The following HEXIM2 variants were observed in gnomAD, a reference collection of about 807,000 sequenced individuals.
HEXIM2 encodes HEXIM P-TEFb complex subunit 2.
For synonymous variants in HEXIM2, 159 were observed against 162.7 expected (o/e 0.98, Z 0.17); for missense variants, 413 against 390.8 (o/e 1.06, Z -0.48).
At position 45,169,473 on chromosome 17, in the gene HEXIM2, C is replaced by G. The variant is rs371950632; in HGVS notation, c.525C>G (p.Ala175=). The change falls in exon 4 of 4, where the codon GCC becomes GCG. Residue 175 remains alanine, a synonymous_variant. Coordinates refer to ENST00000589230, the MANE Select transcript of HEXIM2 (RefSeq NM_001303441.2). ...CAGGTTCCAGTGGGGAGAGTGAGGC[C>G]GGGGACAGTGATGGGCGGGGCCGAG... is the stretch of plus-strand genomic sequence containing the variant. ...SHPGSSGESE[A]GDSDGRGRAH... is the part of the protein sequence containing the mutation. 3.1e-6 allele frequency: 5 copies of G among 1,613,512 alleles called. No individual in the cohort carries two copies. The highest frequency in any genetic ancestry group is 4.2e-6 in the Non-Finnish European group (5 of 1,179,910).
intron 3 of HEXIM2, among the ~76,000 whole-genome samples, chr17:45,166,173 G>A (rs2042838656): frequency 6.6e-6 from 1 of 151,988 alleles, no homozygotes; most frequent in African/African-American, 2.4e-5. Flanking sequence ...CACTCAGGCT[G>A]GAGCGCAGTG....
chr17:45,160,552 C>A (rs2042658103), upstream of HEXIM2: 1 of 206,192 alleles, frequency 4.8e-6, no homozygotes, highest in African/African-American at 2.3e-5. Context: ...ACTAGGATTT[C>A]AAAATGCAAG....
chr17:45,160,776 G>C, upstream of HEXIM2: 2 of 522,208 alleles, frequency 3.8e-6, no homozygotes, highest in African/African-American at 1.9e-5. Flanking sequence ...GAATGGGAGA[G>C]ATCTTGAGGG....
At chr17:45,164,512 C>T (rs1242795001) in intron 3 of HEXIM2, among the ~76,000 whole-genome samples, 1 of 152,066 alleles carries the variant, frequency 6.6e-6, no homozygotes, top group Admixed American at 6.6e-5. Flanking sequence ...TGGTGCATGC[C>T]TGTAATCCCA....
upstream of HEXIM2, chr17:45,160,837 C>G (rs1030443363): frequency 4.1e-5 from 45 of 1,104,886 alleles, no homozygotes; most frequent in Non-Finnish European, 5.2e-5. Context: ...TTTCCAAGTG[C>G]CCCTCTCTAG....
In HEXIM2 at chr17:45,162,017, C is replaced by G; in HGVS notation, c.-207C>G. 1.0e-6 allele frequency: 1 copy of G among 985,764 alleles called. No homozygotes were observed. The highest frequency in any genetic ancestry group is 4.7e-5 in the South Asian group (1 of 21,342). 61.1% of individuals were successfully genotyped at this position (985,764 alleles called of 1,614,324 possible). ...CACAGATGTAGTGGTGTGCATAGCC[C>G]TTGACAGCGAATAGGTCAGTTCCAC... On this transcript the variant is annotated 5_prime_UTR_variant, in exon 1 of 4. Transcript: ENST00000589230.
intron 3 of HEXIM2, among the ~76,000 whole-genome samples, chr17:45,165,268 G>T (rs368592932): frequency 6.6e-6 from 1 of 151,992 alleles, no homozygotes; most frequent in Non-Finnish European, 1.5e-5. Flanking sequence ...CTCCACATAC[G>T]TACACACCCC....
chr17:45,160,393 T>C (rs988585195), upstream of HEXIM2, among the ~76,000 whole-genome samples: 3 of 151,706 alleles, frequency 2.0e-5, no homozygotes, highest in Non-Finnish European at 2.9e-5. Context: ...CAAAATACTC[T>C]GACTTTGTTT....
intron 3 of HEXIM2, among the ~76,000 whole-genome samples, chr17:45,165,617 A>G (rs914052231): frequency 6.6e-6 from 1 of 152,052 alleles, no homozygotes; most frequent in Non-Finnish European, 1.5e-5. Context: ...TACCTCTTAG[A>G]TAAGTTCTGG....
At chr17:45,167,921 C>G (rs1328496820) in intron 3 of HEXIM2, among the ~76,000 whole-genome samples, 1 of 150,632 alleles carries the variant, frequency 6.6e-6, no homozygotes, top group Non-Finnish European at 1.5e-5. Context: ...GAGATGGAGT[C>G]TCGCTCTGTC....
intron 3 of HEXIM2, among the ~76,000 whole-genome samples, chr17:45,165,848 G>A (rs1371336741): frequency 6.6e-6 from 1 of 151,814 alleles, no homozygotes; most frequent in Non-Finnish European, 1.5e-5. Context: ...AGGCTGGAGT[G>A]CAGTGGCGTG....
chr17:45,164,441 C>T (rs749681093), intron 3 of HEXIM2, among the ~76,000 whole-genome samples: 27 of 150,696 alleles, frequency 1.8e-4, no homozygotes, highest in Non-Finnish European at 2.5e-4. Flanking sequence ...GGCAACAGAG[C>T]GAGACTCCGT....
rs2042728867 is a variant in HEXIM2, at chr17:45,162,601, G to A, written c.-79G>A. On this transcript the variant is annotated 5_prime_UTR_variant, in exon 2 of 4. Coordinates refer to ENST00000589230, the MANE Select transcript of HEXIM2 (RefSeq NM_001303441.2). ...GCTGGAGGTGTGAAAACCAGCGGTGGAGGCAGCCTTCGGGGCCTGCATTTG... is the reference window on the plus strand; with the variant it reads ...GCTGGAGGTGTGAAAACCAGCGGTGAAGGCAGCCTTCGGGGCCTGCATTTG... 1 of 1,422,128 alleles carries A rather than the reference G, an allele frequency of 7.0e-7. No homozygotes were observed. Among genetic ancestry groups the A allele is most frequent in the South Asian group, 1.4e-5 (1 of 69,196 alleles). The allele number at this position is 1,422,128 out of a possible 1,614,324, so 88.1% of individuals were successfully genotyped here. A position where few individuals can be genotyped will look rare whatever the true frequency, so the allele number is the denominator to read the frequency against.
At chr17:45,161,384 C>A, upstream of HEXIM2, 1 of 185,664 alleles carries the variant, frequency 5.4e-6, no homozygotes, top group South Asian at 8.3e-5. Flanking sequence ...CGCCGTCTCC[C>A]GGCGCCGCCA....
At chr17:45,161,079 G>C, upstream of HEXIM2, 1 of 608,290 alleles carries the variant, frequency 1.6e-6, no homozygotes, top group Non-Finnish European at 2.7e-6. Context: ...CACCTCTCCA[G>C]TCGAAGTGGG....
chr17:45,161,737 G>A (rs556625522), upstream of HEXIM2: 1 of 672,702 alleles, frequency 1.5e-6, no homozygotes, highest in South Asian at 6.6e-5. Context: ...AGAAGGCAGT[G>A]ATGCGCGCGC....
chr17:45,168,292 G>A (rs2042921034), intron 3 of HEXIM2, among the ~76,000 whole-genome samples: 2 of 149,030 alleles, frequency 1.3e-5, no homozygotes, highest in African/African-American at 4.9e-5. Flanking sequence ...GACTAGGCTG[G>A]CCAACATGGT....
rs2042962917 is a variant in HEXIM2, at chr17:45,169,422, G to C, written c.474G>C (p.Leu158Phe). 1 of 1,613,870 alleles carries C rather than the reference G, an allele frequency of 6.2e-7. No individual in the cohort carries two copies. The highest frequency in any genetic ancestry group is 8.5e-7 in the Non-Finnish European group (1 of 1,180,018). Residue 158 changes from leucine (L) to phenylalanine (F), a missense_variant, in exon 4 of 4, where the codon TTG becomes TTC. Transcript: ENST00000589230. Reference sequence around the variant, plus strand: ...ACAGGGACCCGGAGGAGCCCAACTTGGATGTGCCCCATGGGATCTCCCACC... The same window carrying C: ...ACAGGGACCCGGAGGAGCCCAACTTCGATGTGCCCCATGGGATCTCCCACC... ...MNDRDPEEPN[L>F]DVPHGISHPG... is the part of the protein sequence containing the mutation.
intron 3 of HEXIM2, among the ~76,000 whole-genome samples, chr17:45,166,203 C>T: frequency 6.6e-6 from 1 of 152,200 alleles, no homozygotes; most frequent in African/African-American, 2.4e-5. Flanking sequence ...CAGCTCACTG[C>T]AGCCTCAACC....
Sources: allele counts gnomAD v4.1 joint callset (sites outside exome capture counted in the v4.1 genomes callset), GRCh38; gene constraint gnomAD v4.1.1; transcripts MANE v1.5; gene names NCBI Gene and HGNC (gene_info 2026-07-23, HGNC 2026-07-21).